The following CTNND2 variants were observed in gnomAD, a reference collection of about 807,000 sequenced individuals.
The protein encoded by CTNND2 is catenin delta-2.
CTNND2 carries 22 observed loss-of-function variants against 144.4 expected under a neutral mutation model. That is an observed-to-expected ratio of 0.15 (90% CI 0.11 to 0.22). CTNND2 has a LOEUF of 0.22. Ranked by LOEUF, CTNND2 falls within the 10% of genes least tolerant of loss-of-function variation. The probability of loss-of-function intolerance (pLI) is 1.00; values close to 1 mark genes in which losing one functional copy is unlikely to be tolerated. For missense variants in CTNND2, 1,353 were observed against 1,618.8 expected (o/e 0.84, Z 2.82); for synonymous variants, 751 against 695.6 (o/e 1.08, Z -1.25).
chr5:11,820,461 C>A (rs1047312943), intron 1 of CTNND2, among the ~76,000 whole-genome samples: 2 of 152,164 alleles, frequency 1.3e-5, no homozygotes, highest in African/African-American at 2.4e-5. Flanking sequence ...TTAACTCCTG[C>A]TCCAAAGTTA....
intron 1 of CTNND2, among the ~76,000 whole-genome samples, chr5:11,786,860 T>C (rs1344669771): frequency 6.6e-6 from 1 of 152,238 alleles, no homozygotes; most frequent in African/African-American, 2.4e-5. Context: ...ATTTTATTCT[T>C]GAACTAAAGT....
chr5:11,848,585 C>T (rs551405071), intron 1 of CTNND2, among the ~76,000 whole-genome samples: 2 of 152,104 alleles, frequency 1.3e-5, no homozygotes, highest in Admixed American at 6.6e-5. Context: ...ATGTTTACTT[C>T]CTAAGGACAT....
intron 9 of CTNND2, among the ~76,000 whole-genome samples, chr5:11,242,203 G>A (rs989832159): frequency 2.6e-5 from 4 of 152,130 alleles, no homozygotes; most frequent in African/African-American, 9.7e-5. Flanking sequence ...GTAATAACGT[G>A]AGCGCATACT....
chr5:11,450,004 C>T (rs994036570), intron 3 of CTNND2, among the ~76,000 whole-genome samples: 1 of 152,234 alleles, frequency 6.6e-6, no homozygotes, highest in Non-Finnish European at 1.5e-5. Context: ...AAAAGCCCCA[C>T]TATTTTTTTA....
At chr5:11,743,512 G>T (rs1440094607) in intron 1 of CTNND2, among the ~76,000 whole-genome samples, 2 of 152,160 alleles carry the variant, frequency 1.3e-5, no homozygotes, top group African/African-American at 2.4e-5. Flanking sequence ...CCAACAGCTT[G>T]CAAATATAGA....
At chr5:11,565,780 CCAA>C (rs1777041352) in intron 2 of CTNND2, among the ~76,000 whole-genome samples, 1 of 152,164 alleles carries the variant, frequency 6.6e-6, no homozygotes, top group South Asian at 2.1e-4. Flanking sequence ...CTCAGCTGTT[CCAA>C]CAACAGGATT....
intron 9 of CTNND2, among the ~76,000 whole-genome samples, chr5:11,257,653 CAA>C (rs1387594608): frequency 1.3e-5 from 2 of 152,052 alleles, no homozygotes; most frequent in Admixed American, 6.5e-5. Flanking sequence ...AGGTTTCTCC[CAA>C]GACACATGAG....
intron 13 of CTNND2, among the ~76,000 whole-genome samples, chr5:11,115,582 A>T (rs574890088): frequency 1.1e-3 from 163 of 152,328 alleles, no homozygotes; most frequent in Admixed American, 4.9e-3. Context: ...TTGTTTAGGA[A>T]TTTAATTTTC....
chr5:11,268,028 CA>C (rs895783786), intron 9 of CTNND2, among the ~76,000 whole-genome samples: 1 of 152,036 alleles, frequency 6.6e-6, no homozygotes, highest in African/African-American at 2.4e-5. Context: ...GTTTCAAATC[CA>C]AAAGTGGCAA....
intron 3 of CTNND2, among the ~76,000 whole-genome samples, chr5:11,543,635 T>G (rs1022273535): frequency 1.4e-3 from 3 of 2,202 alleles, no homozygotes; most frequent in Non-Finnish European, 2.1e-3. Flanking sequence ...AGTAACGCTG[T>G]TTTTTTTTTT....
chr5:11,077,334 A>T (rs138748559), intron 16 of CTNND2, among the ~76,000 whole-genome samples: 13 of 152,292 alleles, frequency 8.5e-5, no homozygotes, highest in African/African-American at 3.1e-4. Context: ...CAGGGAAAGG[A>T]GCTGAGGGTA....
At chr5:11,309,175 G>A (rs1300761608) in intron 9 of CTNND2, among the ~76,000 whole-genome samples, 2 of 152,170 alleles carry the variant, frequency 1.3e-5, no homozygotes, top group Admixed American at 6.5e-5. Flanking sequence ...GCACTGCCTA[G>A]TGGAGCTGTG....
chr5:11,817,410 GGAGAGA>G (rs1157713122), intron 1 of CTNND2, among the ~76,000 whole-genome samples: 2 of 22,352 alleles, frequency 8.9e-5, no homozygotes, highest in Admixed American at 1.2e-3. Context: ...GAGAGAGGAG[GGAGAGA>G]GAGAGAGAGA....
At chr5:11,640,070 C>T (rs565841657) in intron 2 of CTNND2, among the ~76,000 whole-genome samples, 1 of 152,264 alleles carries the variant, frequency 6.6e-6, no homozygotes, top group African/African-American at 2.4e-5. Context: ...AAGAACAAAG[C>T]TTATGACTGG....
chr5:11,677,739 C>T (rs902254777), intron 2 of CTNND2, among the ~76,000 whole-genome samples: 1 of 152,130 alleles, frequency 6.6e-6, no homozygotes, highest in East Asian at 1.9e-4. Context: ...GGGAACACTA[C>T]AAGTAAGTTC....
intron 9 of CTNND2, among the ~76,000 whole-genome samples, chr5:11,238,933 T>C (rs183330544): frequency 2.6e-5 from 4 of 152,310 alleles, no homozygotes; most frequent in African/African-American, 9.6e-5. Context: ...TTAATTTCTT[T>C]TGTTTTATAA....
chr5:11,823,031 A>G (rs1300914809), intron 1 of CTNND2, among the ~76,000 whole-genome samples: 1 of 152,214 alleles, frequency 6.6e-6, no homozygotes, highest in Non-Finnish European at 1.5e-5. Flanking sequence ...GCCTGTTAAA[A>G]TTACTCAATT....
At chr5:11,427,859 T>A (rs1343676407) in intron 3 of CTNND2, among the ~76,000 whole-genome samples, 1 of 152,158 alleles carries the variant, frequency 6.6e-6, no homozygotes, top group Non-Finnish European at 1.5e-5. Flanking sequence ...TAGCCTGTTT[T>A]CATGCTGCTG....
At chr5:11,312,009 A>C (rs941312770) in intron 9 of CTNND2, among the ~76,000 whole-genome samples, 61 of 143,932 alleles carry the variant, frequency 4.2e-4, no homozygotes, top group African/African-American at 1.5e-3. Flanking sequence ...CCACACACAC[A>C]CTCACCATAC....
Sources: allele counts gnomAD v4.1 joint callset (sites outside exome capture counted in the v4.1 genomes callset), GRCh38; gene constraint gnomAD v4.1.1; transcripts MANE v1.5; gene names NCBI Gene and HGNC (gene_info 2026-07-23, HGNC 2026-07-21).